Variants in RHOA observed in about 807,000 individuals in gnomAD.
RHOA encodes the protein transforming protein RhoA.
A neutral mutation model predicts 17.5 loss-of-function variants in RHOA; 3 were observed. The ratio of observed to expected loss-of-function variants is 0.17; its 90% confidence interval spans 0.08 to 0.44. The LOEUF is 0.44. Among genes scored for constraint, RHOA ranks in the 20% least tolerant of loss-of-function variants. The pLI is 0.99. For synonymous variants in RHOA, 98 were observed against 88.4 expected (o/e 1.11, Z -0.61); for missense variants, 56 against 242.3 (o/e 0.23, Z 5.10).
intron 2 of RHOA, 136 bp from the exon 3 acceptor site, chr3:49,368,684 A>T: frequency 5.2e-6 from 4 of 763,970 alleles, no homozygotes; most frequent in South Asian, 1.8e-5. Flanking sequence ...AAAACACAGG[A>T]GTATTTACAT....
At chr3:49,408,235 T>TAC (rs2107914836) in intron 1 of RHOA, among the ~76,000 whole-genome samples, 1 of 151,684 alleles carries the variant, frequency 6.6e-6, no homozygotes, top group Admixed American at 6.6e-5. Context: ...TATATACGTA[T>TAC]ACACGTATAT....
intron 1 of RHOA, among the ~76,000 whole-genome samples, chr3:49,403,577 T>C (rs1339578136): frequency 6.7e-6 from 1 of 149,526 alleles, no homozygotes; most frequent in South Asian, 2.1e-4. Context: ...AAAATAAAAA[T>C]GTAGCCAGGC....
intron 1 of RHOA, among the ~76,000 whole-genome samples, chr3:49,379,100 G>A (rs918546990): frequency 6.6e-6 from 1 of 151,872 alleles, no homozygotes; most frequent in African/African-American, 2.4e-5. Context: ...ATTCATAGCA[G>A]GATTATTCAT....
At chr3:49,411,503 C>A (rs566299401) in intron 1 of RHOA, among the ~76,000 whole-genome samples, 92 of 152,206 alleles carry the variant, frequency 6.0e-4, no homozygotes, top group African/African-American at 1.9e-3. Flanking sequence ...CCCGCCCTGC[C>A]CGGCGCCGCT....
At chr3:49,389,402 G>A (rs1178092251) in intron 1 of RHOA, among the ~76,000 whole-genome samples, 3 of 152,108 alleles carry the variant, frequency 2.0e-5, no homozygotes, top group Non-Finnish European at 2.9e-5. Flanking sequence ...TGTGAGCTTA[G>A]TTTGGGGTTC....
chr3:49,378,575 T>C (rs2048270144), intron 1 of RHOA, among the ~76,000 whole-genome samples: 1 of 151,760 alleles, frequency 6.6e-6, no homozygotes, highest in South Asian at 2.1e-4. Flanking sequence ...TCTATGTACC[T>C]ATCTAACCTA....
At chr3:49,406,338 A>T (rs2048832387) in intron 1 of RHOA, among the ~76,000 whole-genome samples, 1 of 152,256 alleles carries the variant, frequency 6.6e-6, no homozygotes. Context: ...AGACTAGGAT[A>T]CAATGGCTAG....
At chr3:49,398,622 G>C in intron 1 of RHOA, among the ~76,000 whole-genome samples, 1 of 150,080 alleles carries the variant, frequency 6.7e-6, no homozygotes, top group East Asian at 2.0e-4. Context: ...AGGAGATCGA[G>C]ACCATCCTGG....
At position 49,364,615 on chromosome 3, in the gene RHOA, C is replaced by T. The variant is rs570777543; in HGVS notation, c.278-1989G>A. Among the ~76,000 whole-genome samples the T allele has an allele frequency of 2.5e-3, 386 of 151,806 alleles. 1 individual carries two copies. The highest frequency in any genetic ancestry group is 4.9e-3 in the Non-Finnish European group (331 of 67,960). On this transcript the variant is annotated intron_variant, in intron 3 of 4. Transcript: ENST00000418115. ...GGTGGAGGTTGCAGTGAGCCAAGAT[C>T]GTGCCACTGCCCTCCAGCCTGGGCG...
At chr3:49,379,147 C>T (rs1401797990) in intron 1 of RHOA, among the ~76,000 whole-genome samples, 1 of 151,924 alleles carries the variant, frequency 6.6e-6, no homozygotes, top group South Asian at 2.1e-4. Flanking sequence ...CCCAAATATC[C>T]AACAACTGAT....
chr3:49,364,530 G>A (rs1355869817), intron 3 of RHOA, among the ~76,000 whole-genome samples: 1 of 151,136 alleles, frequency 6.6e-6, no homozygotes, highest in Non-Finnish European at 1.5e-5. Flanking sequence ...GCATGGTGGT[G>A]CACACCTGTA....
chr3:49,362,306 C>T (rs1321794212), intron 4 of RHOA, among the ~76,000 whole-genome samples, 190 bp downstream of exon 4: 16 of 152,172 alleles, frequency 1.1e-4, no homozygotes, highest in Admixed American at 1.0e-3. Context: ...CATTCCATCT[C>T]ACAGGACTGG....
chr3:49,366,326 G>A (rs1392796666), intron 3 of RHOA, among the ~76,000 whole-genome samples: 2 of 152,156 alleles, frequency 1.3e-5, no homozygotes, highest in East Asian at 3.8e-4. Context: ...AACTAGGCTG[G>A]GTGTGGTGGC....
chr3:49,359,971 G>A lies in RHOA; in HGVS notation c.*238C>T, dbSNP rs920155746. On this transcript the variant is annotated 3_prime_UTR_variant, in exon 5 of 5. Coordinates refer to ENST00000418115, the MANE Select transcript of RHOA (RefSeq NM_001664.4). ...AATTCCTTGAATTAGCGCCTGGTGTGTCAGGTGGGAGTGCAGAGGAGGGCT... is the reference window on the plus strand; with the variant it reads ...AATTCCTTGAATTAGCGCCTGGTGTATCAGGTGGGAGTGCAGAGGAGGGCT... 4 of 425,814 alleles carry A rather than the reference G, an allele frequency of 9.4e-6. No individual in the cohort carries two copies. The highest frequency in any genetic ancestry group is 1.1e-4 in the South Asian group (2 of 17,770). The allele number at this position is 425,814 out of a possible 1,614,324, so 26.4% of individuals were successfully genotyped here.
At chr3:49,378,113 C>T (rs1371426125) in intron 1 of RHOA, among the ~76,000 whole-genome samples, 2 of 146,260 alleles carry the variant, frequency 1.4e-5, no homozygotes, top group African/African-American at 2.5e-5. Flanking sequence ...TGTACCACTG[C>T]ACTCCAGCCT....
rs71080506 is a variant in RHOA at position 49,398,839 on chromosome 3, C to CAAA, written c.-3+12978_-3+12980dup. ...TGAGCGACACAGCGAGACTCCGTCT[C>CAAA]AAAAAAAAAAAAAAAAAAAAAAAAA... is the stretch of plus-strand genomic sequence containing the variant. On this transcript the variant is annotated intron_variant, in intron 1 of 4. Coordinates refer to ENST00000418115, the MANE Select transcript of RHOA (RefSeq NM_001664.4). 6.9e-3 allele frequency among the ~76,000 whole-genome samples: 247 copies of CAAA among 35,666 alleles called. 12 individuals are homozygous for CAAA. The highest frequency in any genetic ancestry group is 0.027 in the East Asian group (12 of 450). 23.4% of individuals were successfully genotyped at this position (35,666 alleles called of 152,430 possible). A position where few individuals can be genotyped will look rare whatever the true frequency, so the allele number is the denominator to read the frequency against.
intron 1 of RHOA, among the ~76,000 whole-genome samples, chr3:49,385,841 A>G (rs35169793): frequency 0.3 from 45,160 of 151,932 alleles, 7,196 homozygotes; most frequent in Middle Eastern, 0.33. Flanking sequence ...TGAAAAGACT[A>G]TTTTCCCCCC....
rs113911822 is a variant in RHOA, at chr3:49,407,815, C to T, written c.-3+4005G>A. 2.1e-3 allele frequency among the ~76,000 whole-genome samples: 317 copies of T among 152,184 alleles called. 3 individuals are homozygous for T. The highest frequency in any genetic ancestry group is 7.0e-3 in the African/African-American group (291 of 41,508). On this transcript the variant is annotated intron_variant, in intron 1 of 4. Transcript: ENST00000418115. ...CTCCACTTCAAACTTACTTCATTGG[C>T]TGTGTATGTTTTCCTCTTTCCCTTC...
intron 1 of RHOA, among the ~76,000 whole-genome samples, chr3:49,376,232 G>A (rs528009146): frequency 6.6e-6 from 1 of 152,248 alleles, no homozygotes; most frequent in Non-Finnish European, 1.5e-5. Context: ...AAATTGGAAA[G>A]GAAGAAGTAA....
Sources: gnomAD v4.1 joint callset for allele counts (sites outside exome capture counted in the v4.1 genomes callset) on GRCh38, gnomAD v4.1.1 for gene constraint, MANE v1.5 for transcripts, NCBI Gene and HGNC (gene_info 2026-07-23, HGNC 2026-07-21) for gene names.